The following RBFOX1 variants were observed in gnomAD, a reference collection of about 807,000 sequenced individuals.
RBFOX1 encodes the protein RNA binding protein fox-1 homolog 1.
In RBFOX1, 8 loss-of-function variants were observed where a neutral mutation model predicts 57.7. That is an observed-to-expected ratio of 0.14 (90% CI 0.08 to 0.25). RBFOX1 has a LOEUF of 0.25. Ranked by LOEUF, RBFOX1 falls within the 10% of genes least tolerant of loss-of-function variation. RBFOX1 has a pLI of 1.00. For missense variants in RBFOX1, 611 were observed against 548.5 expected, an observed-to-expected ratio of 1.11 and a Z score of -1.14; for synonymous variants, 326 against 222.4, an observed-to-expected ratio of 1.47 and a Z score of -4.15.
At chr16:6,617,692 G>T (rs1311486674) in intron 2 of RBFOX1, among the ~76,000 whole-genome samples, 1 of 152,104 alleles carries the variant, frequency 6.6e-6, no homozygotes, top group African/African-American at 2.4e-5. Flanking sequence ...GCAGTCTTGT[G>T]GAGGGAAGGT....
At chr16:6,187,128 A>G (rs12927685) in intron 1 of RBFOX1, among the ~76,000 whole-genome samples, 27,480 of 152,110 alleles carry the variant, frequency 0.18, 3,097 homozygotes, top group Middle Eastern at 0.32. Flanking sequence ...TCGTAGATGT[A>G]TAGTTAGAAA....
chr16:5,761,529 A>G (rs2053588579), intron 3 of RBFOX1, among the ~76,000 whole-genome samples: 1 of 152,190 alleles, frequency 6.6e-6, no homozygotes. Context: ...GGCAAGGAAG[A>G]GGAAAGTCAT....
intron 4 of RBFOX1, among the ~76,000 whole-genome samples, chr16:7,428,439 G>A (rs1367455592): frequency 1.4e-5 from 2 of 143,646 alleles, no homozygotes; most frequent in Non-Finnish European, 3.0e-5. Flanking sequence ...TGATTCTCCT[G>A]CCTCAGCCCC....
intron 10 of RBFOX1, chr16:7,614,396 T>C (rs537079626): frequency 1.1e-4 from 17 of 152,214 alleles, no homozygotes; most frequent in African/African-American, 4.1e-4. Context: ...CCTGCCCATA[T>C]TTGGCCTTAA....
chr16:6,772,718 G>A (rs999342073), intron 3 of RBFOX1, among the ~76,000 whole-genome samples: 1 of 150,734 alleles, frequency 6.6e-6, no homozygotes, highest in Non-Finnish European at 1.5e-5. Flanking sequence ...ATTTGTATGT[G>A]TGTGATTGTG....
chr16:7,053,384 G>C (rs1402645209), intron 4 of RBFOX1, among the ~76,000 whole-genome samples: 2 of 152,138 alleles, frequency 1.3e-5, no homozygotes, highest in Non-Finnish European at 2.9e-5. Context: ...TTTCTGAACT[G>C]TCTTACTGCT....
At chr16:6,685,596 C>T (rs561351898) in intron 3 of RBFOX1, among the ~76,000 whole-genome samples, 1 of 152,114 alleles carries the variant, frequency 6.6e-6, no homozygotes, top group Admixed American at 6.5e-5. Flanking sequence ...CCAAGAGTTT[C>T]ATTTTTTGGT....
intron 3 of RBFOX1, among the ~76,000 whole-genome samples, chr16:6,819,010 ATAAAGG>A (rs1290519786): frequency 3.3e-5 from 5 of 152,198 alleles, no homozygotes; most frequent in African/African-American, 1.2e-4. Flanking sequence ...ACAGAGGAAA[ATAAAGG>A]TAAGTAACAG....
chr16:7,059,877 G>T (rs2053706347), intron 4 of RBFOX1, among the ~76,000 whole-genome samples: 1 of 152,182 alleles, frequency 6.6e-6, no homozygotes. Flanking sequence ...GATGAAAAAT[G>T]AGTGCAGTAA....
At chr16:6,118,180 T>C (rs551113147) in intron 1 of RBFOX1, among the ~76,000 whole-genome samples, 3 of 152,312 alleles carry the variant, frequency 2.0e-5, no homozygotes, top group East Asian at 1.9e-4. Context: ...AACTGAAATA[T>C]ATACTTCATT....
chr16:7,672,628 C>G (rs189496280), intron 13 of RBFOX1, among the ~76,000 whole-genome samples: 2 of 151,924 alleles, frequency 1.3e-5, no homozygotes, highest in East Asian at 1.9e-4. Flanking sequence ...TTCGGGAGAC[C>G]TAAGGCAGGC....
chr16:6,765,431 G>A (rs921632843), intron 3 of RBFOX1, among the ~76,000 whole-genome samples: 1 of 152,042 alleles, frequency 6.6e-6, no homozygotes, highest in African/African-American at 2.4e-5. Context: ...TTGAGTATTA[G>A]ACTGAATACC....
At position 7,489,185 on chromosome 16, in the gene RBFOX1, A is replaced by T. The variant is rs755340896; in HGVS notation, c.28-28962A>T. Among the ~76,000 whole-genome samples, 94 of 152,110 alleles carry T rather than the reference A, an allele frequency of 6.2e-4. 2 individuals are homozygous for T. The Middle Eastern group carries it at 0.01, about 17-fold the overall frequency. ...CACTGTTTGTCCTTTTGTTTCTCCT[A>T]GGTCTGCCCTATTAGGTAATTTTAG... is the stretch of plus-strand genomic sequence containing the variant. On this transcript the variant is annotated intron_variant, in intron 4 of 15. Coordinates refer to ENST00000550418, the MANE Select transcript of RBFOX1 (RefSeq NM_018723.4).
intron 1 of RBFOX1, among the ~76,000 whole-genome samples, chr16:6,168,238 C>T (rs189316148): frequency 6.0e-4 from 91 of 152,332 alleles, no homozygotes; most frequent in African/African-American, 2.0e-3. Flanking sequence ...AATCTGTTCA[C>T]ATGAGAAAGA....
chr16:6,483,063 C>T (rs1415649719), intron 2 of RBFOX1: 2 of 895,846 alleles, frequency 2.2e-6, no homozygotes, highest in East Asian at 1.2e-4. Context: ...GCAGCCAGCT[C>T]GGAGCTTTGC....
chr16:5,287,935 T>C (rs2091533), intron 1 of RBFOX1, among the ~76,000 whole-genome samples: 151,407 of 152,312 alleles, frequency 0.99, 75,262 homozygotes, highest in Middle Eastern at 1. Flanking sequence ...CCTCTAACCA[T>C]CAATGCAATT....
At position 6,019,572 on chromosome 16, in the gene RBFOX1, A is replaced by T; in HGVS notation, c.-547A>T. 8.7e-7 allele frequency: 1 copy of T among 1,155,580 alleles called. No homozygotes were observed. Among genetic ancestry groups the T allele is most frequent in the Non-Finnish European group, 1.1e-6 (1 of 939,136 alleles). 71.6% of individuals were successfully genotyped at this position (1,155,580 alleles called of 1,614,324 possible). ...AGAGGCGGCGGCACTGGCTGGACCC[A>T]CGCGCGCGCCTCCGGGGCTGAAGAA... On this transcript the variant is annotated 5_prime_UTR_variant, in exon 1 of 16. Transcript: ENST00000550418. The surrounding 1 kb of genome is among the most constrained non-coding windows in gnomAD (Gnocchi z 4.2).
intron 4 of RBFOX1, among the ~76,000 whole-genome samples, chr16:7,070,913 A>G (rs144782090): frequency 1.3e-5 from 2 of 152,338 alleles, no homozygotes; most frequent in East Asian, 1.9e-4. Flanking sequence ...TGAAGGGTTC[A>G]TGAGCTAGTA....
At chr16:7,333,242 A>C (rs2096724947) in intron 4 of RBFOX1, among the ~76,000 whole-genome samples, 1 of 152,158 alleles carries the variant, frequency 6.6e-6, no homozygotes, top group Non-Finnish European at 1.5e-5. Flanking sequence ...AAGATGGATC[A>C]CCCTAATCTA....
Sources: gnomAD v4.1 joint callset for allele counts (sites outside exome capture counted in the v4.1 genomes callset) on GRCh38, gnomAD v4.1.1 for gene constraint, Gnocchi (gnomAD v3.1) non-coding constraint, MANE v1.5 for transcripts, NCBI Gene and HGNC (gene_info 2026-07-23, HGNC 2026-07-21) for gene names.